The following DACH2 variants were observed in gnomAD, a reference collection of about 807,000 sequenced individuals.
The protein encoded by DACH2 is dachshund family transcription factor 2.
DACH2 carries 17 observed loss-of-function variants against 35.8 expected under a neutral mutation model. The ratio of observed to expected loss-of-function variants is 0.48; its 90% CI spans 0.33 to 0.71. The LOEUF (loss-of-function observed/expected upper bound fraction) is 0.71, where lower values mean the gene tolerates loss of function less well. Ranked by LOEUF, DACH2 falls within the 30% of genes least tolerant of loss-of-function variation. The pLI is 0.02. For synonymous variants in DACH2, 195 were observed against 177.3 expected (o/e 1.10, Z -0.79); for missense variants, 469 against 472.7 (o/e 0.99, Z 0.07).
At chrX:86,747,337 T>A (rs1447940233) in intron 7 of DACH2, among the ~76,000 whole-genome samples, 7 of 111,628 alleles carry the variant, frequency 6.3e-5, no homozygotes, top group African/African-American at 2.3e-4. Context: ...GATATTTTCC[T>A]TTTATTCAGG....
At chrX:86,770,331 C>T (rs1398459861) in intron 7 of DACH2, among the ~76,000 whole-genome samples, 1 of 111,645 alleles carries the variant, frequency 9.0e-6, no homozygotes, top group East Asian at 2.8e-4. Context: ...AAGTGCTAGA[C>T]ACCTTAGTTC....
At chrX:86,424,773 G>A (rs938852041) in intron 2 of DACH2, among the ~76,000 whole-genome samples, 2 of 111,201 alleles carry the variant, frequency 1.8e-5, no homozygotes, top group Admixed American at 9.6e-5. Flanking sequence ...TTCGAGAAAA[G>A]GCTTTCGGTT....
intron 3 of DACH2, among the ~76,000 whole-genome samples, chrX:86,634,708 A>C (rs1455676375): frequency 8.9e-6 from 1 of 111,911 alleles, no homozygotes; most frequent in Non-Finnish European, 1.9e-5. Context: ...AAAAATTAAA[A>C]TACCTAGGAA....
At chrX:86,387,928 A>G (rs2089223959) in intron 2 of DACH2, among the ~76,000 whole-genome samples, 1 of 112,539 alleles carries the variant, frequency 8.9e-6, no homozygotes, top group Admixed American at 9.4e-5. Flanking sequence ...TATATATGCA[A>G]AAAAAGCCCC....
chrX:86,614,992 C>T (rs978729441), intron 3 of DACH2, among the ~76,000 whole-genome samples: 2 of 111,743 alleles, frequency 1.8e-5, no homozygotes, highest in African/African-American at 6.5e-5. Flanking sequence ...ACAAAGCCTT[C>T]TTTGTGAGGA....
At chrX:86,560,589 A>G (rs1489572489) in intron 3 of DACH2, among the ~76,000 whole-genome samples, 1 of 98,442 alleles carries the variant, frequency 1.0e-5, no homozygotes, top group African/African-American at 3.8e-5. Flanking sequence ...CTCAGAAATA[A>G]TGCCGCATAT....
chrX:86,460,621 T>C (rs1381537557), intron 2 of DACH2, among the ~76,000 whole-genome samples: 1 of 111,069 alleles, frequency 9.0e-6, no homozygotes, highest in African/African-American at 3.2e-5. Context: ...ATTTTTAGAT[T>C]ATGAATTATT....
chrX:86,548,727 AT>A (rs1394604012), intron 3 of DACH2, among the ~76,000 whole-genome samples: 1 of 112,200 alleles, frequency 8.9e-6, no homozygotes, highest in Non-Finnish European at 1.9e-5. Context: ...AGAGTTTTAT[AT>A]GTCTATCAAC....
chrX:86,634,761 C>T lies in DACH2; in HGVS notation c.641-16275C>T, dbSNP rs139558002. On this transcript the variant is annotated intron_variant, in intron 3 of 11. Transcript: ENST00000373125. Reference sequence around the variant, plus strand: ...ATGAAAGATCTGTAAAAGAAAACTACAAAACATGGATGAAAGAAATTGTAG... The same window carrying T: ...ATGAAAGATCTGTAAAAGAAAACTATAAAACATGGATGAAAGAAATTGTAG... Among the ~76,000 whole-genome samples, 618 of 111,403 alleles carry T rather than the reference C, an allele frequency of 5.5e-3. 1 individual carries two copies. Among genetic ancestry groups the T allele is most frequent in the Non-Finnish European group, 6.6e-3 (350 of 53,008 alleles).
intron 1 of DACH2, among the ~76,000 whole-genome samples, chrX:86,224,886 T>C: frequency 9.0e-6 from 1 of 111,043 alleles, no homozygotes; most frequent in Non-Finnish European, 1.9e-5. Flanking sequence ...CTGCTCAATT[T>C]TTTCCCCACA....
intron 2 of DACH2, among the ~76,000 whole-genome samples, chrX:86,456,596 T>G (rs1320002756): frequency 8.9e-6 from 1 of 111,825 alleles, no homozygotes; most frequent in East Asian, 2.8e-4. Context: ...TTGCAAAAAC[T>G]GTTATTCATT....
At chrX:86,257,094 A>G (rs977229062) in intron 1 of DACH2, among the ~76,000 whole-genome samples, 7 of 111,688 alleles carry the variant, frequency 6.3e-5, no homozygotes, top group African/African-American at 2.3e-4. Flanking sequence ...TGATTTTTCA[A>G]TAATCTTCAG....
chrX:86,736,503 A>G (rs1428662569), intron 6 of DACH2, among the ~76,000 whole-genome samples: 3 of 111,588 alleles, frequency 2.7e-5, no homozygotes, highest in Non-Finnish European at 5.7e-5. Context: ...ATGTTAGGGG[A>G]ATCCACTATT....
At chrX:86,324,679 C>T (rs1165183301) in intron 1 of DACH2, among the ~76,000 whole-genome samples, 1 of 103,010 alleles carries the variant, frequency 9.7e-6, no homozygotes, top group Admixed American at 1.1e-4. Context: ...CCCGGGTTCA[C>T]ACCATTCTCC....
chrX:86,690,194 G>T (rs1334369630), intron 4 of DACH2, among the ~76,000 whole-genome samples: 1 of 111,741 alleles, frequency 8.9e-6, no homozygotes, highest in African/African-American at 3.2e-5. Context: ...GAACCTTACT[G>T]CTGGATTTCC....
At chrX:86,327,322 G>C (rs762596313) in intron 1 of DACH2, among the ~76,000 whole-genome samples, 5 of 111,648 alleles carry the variant, frequency 4.5e-5, no homozygotes, top group Non-Finnish European at 9.4e-5. Context: ...GCAGATTCTG[G>C]TGCTTTACCT....
At chrX:86,393,822 T>C (rs1335541553) in intron 2 of DACH2, among the ~76,000 whole-genome samples, 2 of 110,944 alleles carry the variant, frequency 1.8e-5, no homozygotes, top group African/African-American at 6.5e-5. Flanking sequence ...ATTTGTAAAA[T>C]GGAGAAAGAA....
chrX:86,816,915 A>T (rs887538996), intron 11 of DACH2, among the ~76,000 whole-genome samples: 3 of 112,179 alleles, frequency 2.7e-5, no homozygotes, highest in Non-Finnish European at 5.6e-5. Flanking sequence ...CTTTGAAAAA[A>T]GAAGACAACT....
At chrX:86,649,683 C>T (rs932813726) in intron 3 of DACH2, among the ~76,000 whole-genome samples, 1 of 110,987 alleles carries the variant, frequency 9.0e-6, no homozygotes, top group Non-Finnish European at 1.9e-5. Context: ...TGCTTCATTA[C>T]GAGTTTTCTA....
Sources: allele counts gnomAD v4.1 joint callset (sites outside exome capture counted in the v4.1 genomes callset), GRCh38; gene constraint gnomAD v4.1.1; transcripts MANE v1.5; gene names NCBI Gene and HGNC (gene_info 2026-07-23, HGNC 2026-07-21).